The following SCIN variants were observed in gnomAD, a reference collection of about 807,000 sequenced individuals.
SCIN encodes scinderin, also known as adseverin.
Under a neutral mutation model 91.8 loss-of-function variants are expected in SCIN, and 91 were observed. The ratio of observed to expected loss-of-function variants is 0.99; its 90% CI spans 0.84 to 1.18. The LOEUF (loss-of-function observed/expected upper bound fraction) is 1.18. Among genes scored for constraint, SCIN ranks in the 50% most tolerant of loss-of-function variants. The probability of loss-of-function intolerance (pLI) is 0.00; values close to 1 mark genes in which losing one functional copy is unlikely to be tolerated. For synonymous variants in SCIN, 367 were observed against 312.6 expected (o/e 1.17, Z -1.84); for missense variants, 1,087 against 863.9 (o/e 1.26, Z -3.24).
At chr7:12,577,410 T>A (rs1041001965) in intron 1 of SCIN, 1 of 381,816 alleles carries the variant, frequency 2.6e-6, no homozygotes. Flanking sequence ...GCTAAACCAC[T>A]TGTCAAATGT....
intron 6 of SCIN, among the ~76,000 whole-genome samples, chr7:12,625,495 ATT>A (rs112788431): frequency 2.4e-5 from 3 of 126,852 alleles, no homozygotes; most frequent in Admixed American, 8.9e-5. Context: ...CGCCCAGCTA[ATT>A]TTTTTGTATT....
At chr7:12,609,994 A>G (rs560761936) in intron 4 of SCIN, among the ~76,000 whole-genome samples, 1 of 152,302 alleles carries the variant, frequency 6.6e-6, no homozygotes, top group Admixed American at 6.5e-5. Context: ...GGTTGAGGAG[A>G]TAAGCATGCA....
At chr7:12,600,718 C>G (rs1782940237) in intron 3 of SCIN, among the ~76,000 whole-genome samples, 2 of 152,188 alleles carry the variant, frequency 1.3e-5, no homozygotes, top group Admixed American at 6.5e-5. Flanking sequence ...GTACATCACA[C>G]TTGGCACACA....
chr7:12,626,694 A>T lies in SCIN; in HGVS notation c.1092A>T (p.Lys364Asn), dbSNP rs562412058. The T allele has an allele frequency of 6.3e-7, 1 of 1,591,054 alleles. No homozygotes were observed. The highest frequency in any genetic ancestry group is 1.8e-5 in the Admixed American group (1 of 56,650). Residue 364 changes from lysine (K) to asparagine (N), a missense_variant, in exon 8 of 16, where the codon AAA becomes AAT. Lys to Asn is a moderately conservative substitution (Grantham distance 94). Transcript: ENST00000297029. ...TCGGGAAAGTTTATGTCACAGAGAA[A>T]GTGGCTCAAATAAAACAAATTCCCT... ...DGFGKVYVTEKVAQIKQIPFD... is the reference protein window; with the variant it reads ...DGFGKVYVTENVAQIKQIPFD...
chr7:12,656,353 G>A lies in SCIN; in HGVS notation c.*3638G>A. Reference sequence around the variant, plus strand: ...GGTAGATAATTACTTTGAACTGAAAGAAAACACTTATTTTATTTTCTTTTA... The same window carrying A: ...GGTAGATAATTACTTTGAACTGAAAAAAAACACTTATTTTATTTTCTTTTA... On this transcript the variant is annotated 3_prime_UTR_variant, in exon 16 of 16. Transcript: ENST00000297029. The A allele has an allele frequency of 6.6e-6, 1 of 152,076 alleles. No individual in the cohort carries two copies. The highest frequency in any genetic ancestry group is 1.9e-4 in the East Asian group (1 of 5,194). 9.4% of individuals were successfully genotyped at this position (152,076 alleles called of 1,614,324 possible).
Position 12,640,465 on chromosome 7 carries a change from C to T in SCIN, c.1529C>T (p.Thr510Ile). The T allele has an allele frequency of 6.2e-7, 1 of 1,613,212 alleles. No individual in the cohort carries two copies. Among genetic ancestry groups the T allele is most frequent in the Non-Finnish European group, 8.5e-7 (1 of 1,179,548 alleles). ...GGAGGTCAGGCACCTGCTCCCCCTA[C>T]ACGCCTCTTTCAAGTCCGGAGAAAC... ...KKGGQAPAPP[T>I]RLFQVRRNLA... Residue 510 changes from threonine (T) to isoleucine (I), a missense_variant, in exon 11 of 16, where the codon ACA becomes ATA. By Grantham distance (89) the Thr-to-Ile change is moderately conservative. Transcript: ENST00000297029.
intron 3 of SCIN, among the ~76,000 whole-genome samples, chr7:12,602,078 A>G (rs1057148496): frequency 4.6e-5 from 7 of 152,154 alleles, no homozygotes; most frequent in African/African-American, 1.7e-4. Flanking sequence ...CCAATGTTTC[A>G]ACATAGGTTC....
At chr7:12,631,045 G>A (rs959937601) in intron 9 of SCIN, among the ~76,000 whole-genome samples, 7 of 151,888 alleles carry the variant, frequency 4.6e-5, no homozygotes, top group Non-Finnish European at 8.8e-5. Context: ...TACATTAAAC[G>A]AAAAAAGACT....
At chr7:12,627,536 T>C (rs1006407491) in intron 8 of SCIN, among the ~76,000 whole-genome samples, 1 of 152,154 alleles carries the variant, frequency 6.6e-6, no homozygotes, top group African/African-American at 2.4e-5. Flanking sequence ...AAATATTTCA[T>C]CTCTATATTC....
intron 1 of SCIN, 127 bp downstream of exon 1, chr7:12,571,112 G>A: frequency 9.2e-7 from 1 of 1,084,850 alleles, no homozygotes. Flanking sequence ...GCGCCCCCAC[G>A]GGGCTGCCCT....
Position 12,570,828 on chromosome 7 carries a change from C to T in SCIN, c.42C>T (p.Gly14=). The T allele has an allele frequency of 6.4e-7, 1 of 1,551,536 alleles. No homozygotes were observed. Among genetic ancestry groups the T allele is most frequent in the Non-Finnish European group, 8.7e-7 (1 of 1,146,954 alleles). Residue 14 remains glycine (G), a synonymous_variant, in exon 1 of 16, where the codon GGC becomes GGT. Coordinates refer to ENST00000297029, the MANE Select transcript of SCIN (RefSeq NM_001112706.3). Reference sequence around the variant, plus strand: ...ACCACGAAGAGTTCGCCCGGGCGGGCAAGCAGGCGGGGCTGCAGGTCTGGA... The same window carrying T: ...ACCACGAAGAGTTCGCCCGGGCGGGTAAGCAGGCGGGGCTGCAGGTCTGGA... ...ELYHEEFARA[G]KQAGLQVWRI...
At chr7:12,636,437 T>G (rs1783753222) in intron 10 of SCIN, among the ~76,000 whole-genome samples, 1 of 152,230 alleles carries the variant, frequency 6.6e-6, no homozygotes, top group African/African-American at 2.4e-5. Flanking sequence ...CGGTTTTATC[T>G]GTATTACTGT....
chr7:12,584,315 C>T (rs1782544644), intron 3 of SCIN, among the ~76,000 whole-genome samples: 1 of 152,188 alleles, frequency 6.6e-6, no homozygotes, highest in African/African-American at 2.4e-5. Context: ...TGTATTATGA[C>T]CCAGGTATGA....
intron 3 of SCIN, among the ~76,000 whole-genome samples, chr7:12,600,626 C>T (rs1287618637): frequency 3.3e-5 from 5 of 152,152 alleles, no homozygotes; most frequent in Non-Finnish European, 7.3e-5. Context: ...TTAGTTTGGG[C>T]TCAGCAGAAA....
At chr7:12,605,001 A>T (rs1783045846) in intron 4 of SCIN, among the ~76,000 whole-genome samples, 1 of 149,896 alleles carries the variant, frequency 6.7e-6, no homozygotes, top group Non-Finnish European at 1.5e-5. Flanking sequence ...CAATATTAAT[A>T]GTTCTTTCAT....
intron 9 of SCIN, among the ~76,000 whole-genome samples, chr7:12,629,455 G>T (rs1377846945): frequency 2.6e-5 from 4 of 152,060 alleles, no homozygotes; most frequent in African/African-American, 9.7e-5. Flanking sequence ...AAAAAGTTTT[G>T]ATATCCTAAA....
At chr7:12,624,896 A>C in intron 5 of SCIN, 114 bp from the exon 6 acceptor site, 2 of 1,033,840 alleles carry the variant, frequency 1.9e-6, no homozygotes, top group Non-Finnish European at 2.7e-6. Flanking sequence ...TGTACAATTC[A>C]ATGCTTTTTA....
chr7:12,605,110 G>A (rs1040833515), intron 4 of SCIN, among the ~76,000 whole-genome samples: 5 of 151,998 alleles, frequency 3.3e-5, no homozygotes, highest in African/African-American at 1.2e-4. Flanking sequence ...GGAGTGCAGT[G>A]GCACGATCTC....
intron 8 of SCIN, among the ~76,000 whole-genome samples, chr7:12,627,326 C>T (rs1783547480): frequency 6.6e-6 from 1 of 152,106 alleles, no homozygotes; most frequent in Non-Finnish European, 1.5e-5. Flanking sequence ...AGCTAATGTT[C>T]CTACGCCTCC....
Sources: allele counts gnomAD v4.1 joint callset (sites outside exome capture counted in the v4.1 genomes callset), GRCh38; gene constraint gnomAD v4.1.1; transcripts MANE v1.5; gene names NCBI Gene and HGNC (gene_info 2026-07-23, HGNC 2026-07-21).